The following TSPAN9 variants were observed in gnomAD, a reference collection of about 807,000 sequenced individuals.
TSPAN9 encodes tetraspanin 9, also known as tetraspanin-9.
A neutral mutation model predicts 31.0 loss-of-function variants in TSPAN9; 16 were observed. The ratio of observed to expected loss-of-function variants is 0.52; its 90% confidence interval spans 0.35 to 0.78. The LOEUF is 0.78. TSPAN9 is among the 30% of genes least tolerant of loss of function. The pLI is 0.01. For synonymous variants in TSPAN9, 145 were observed against 121.6 expected (o/e 1.19, Z -1.27); for missense variants, 272 against 312.5 (o/e 0.87, Z 0.98).
intron 2 of TSPAN9, among the ~76,000 whole-genome samples, chr12:3,145,562 G>C (rs1333254113): frequency 6.6e-6 from 1 of 152,306 alleles, no homozygotes; most frequent in East Asian, 1.9e-4. Context: ...TGAGTCCCAG[G>C]TGAAGAGAAA....
At position 3,107,341 on chromosome 12, in the gene TSPAN9, C is replaced by T. The variant is rs550289860; in HGVS notation, c.-18+23622C>T. ...GCGTGAAAACCTGAGGTCTGCCAGG[C>T]GGCACTGCAGGGGGCGGGAGTGGCC... On this transcript the variant is annotated intron_variant, in intron 2 of 8. Coordinates refer to ENST00000011898, the MANE Select transcript of TSPAN9 (RefSeq NM_006675.5). The surrounding 1 kb of genome is among the most constrained non-coding windows in gnomAD (Gnocchi z 4.1). 8.0e-4 allele frequency among the ~76,000 whole-genome samples: 122 copies of T among 152,346 alleles called. 1 individual carries two copies. Among genetic ancestry groups the T allele is most frequent in the Admixed American group, 2.4e-3 (36 of 15,308 alleles).
chr12:3,200,050 C>G (rs1157911333), intron 2 of TSPAN9: 1 of 152,786 alleles, frequency 6.5e-6, no homozygotes, highest in African/African-American at 2.4e-5. Context: ...CCAGCCATCC[C>G]CCTCCTTTCG....
chr12:3,139,545 C>T (rs1315366119), intron 2 of TSPAN9, among the ~76,000 whole-genome samples: 2 of 152,124 alleles, frequency 1.3e-5, no homozygotes, highest in African/African-American at 4.8e-5. Flanking sequence ...CCCTCAACTC[C>T]CTGCATCCCC....
At chr12:3,191,812 T>C (rs10774127) in intron 2 of TSPAN9, among the ~76,000 whole-genome samples, 150,714 of 152,306 alleles carry the variant, frequency 0.99, 74,599 homozygotes, top group Middle Eastern at 1. Context: ...AGTAACATTG[T>C]CACCCTAACA....
At chr12:3,269,936 C>T (rs545087522) in intron 3 of TSPAN9, among the ~76,000 whole-genome samples, 5 of 152,346 alleles carry the variant, frequency 3.3e-5, no homozygotes, top group African/African-American at 9.6e-5. Context: ...GGTAGGGCTG[C>T]GGCGGCAGCG....
chr12:3,219,968 A>T (rs972207402), intron 3 of TSPAN9, among the ~76,000 whole-genome samples: 16 of 152,138 alleles, frequency 1.1e-4, no homozygotes, highest in Non-Finnish European at 1.8e-4. Context: ...TAGCCTGGCC[A>T]ACGTGGTGAA....
rs536831140 is a variant in TSPAN9 at position 3,115,071 on chromosome 12, C to A, written c.-18+31352C>A. Reference sequence around the variant, plus strand: ...CCATTAGCAATCACTCCCATGCCCCCCTTCCCTGCCCCCAGTTTTTCTCCC... The same window carrying A: ...CCATTAGCAATCACTCCCATGCCCCACTTCCCTGCCCCCAGTTTTTCTCCC... On this transcript the variant is annotated intron_variant, in intron 2 of 8. Coordinates refer to ENST00000011898, the MANE Select transcript of TSPAN9 (RefSeq NM_006675.5). 6.7e-4 allele frequency among the ~76,000 whole-genome samples: 101 copies of A among 151,718 alleles called. 1 individual carries two copies. The highest frequency in any genetic ancestry group is 2.4e-3 in the African/African-American group (100 of 41,350).
chr12:3,214,093 C>T (rs1239049661), intron 3 of TSPAN9, among the ~76,000 whole-genome samples: 1 of 152,246 alleles, frequency 6.6e-6, no homozygotes, highest in Non-Finnish European at 1.5e-5. Context: ...GGGCAAACTG[C>T]TTCTGTCTCT....
intron 3 of TSPAN9, among the ~76,000 whole-genome samples, chr12:3,218,235 C>T (rs1282321027): frequency 2.5e-4 from 38 of 152,164 alleles, no homozygotes. Context: ...CCCACCAACC[C>T]CAACTTCCTC....
At chr12:3,260,813 G>T (rs955538892) in intron 3 of TSPAN9, among the ~76,000 whole-genome samples, 5 of 152,218 alleles carry the variant, frequency 3.3e-5, no homozygotes, top group Non-Finnish European at 5.9e-5. Context: ...GGCGTGGCTG[G>T]TGGAGGACTC....
At chr12:3,108,461 C>T (rs1441112536) in intron 2 of TSPAN9, among the ~76,000 whole-genome samples, 1 of 152,190 alleles carries the variant, frequency 6.6e-6, no homozygotes, top group Non-Finnish European at 1.5e-5. Flanking sequence ...CATGGCTTTT[C>T]TCTCTGGAGT....
rs570954553 is a variant in TSPAN9 at position 3,118,079 on chromosome 12, C to T, written c.-18+34360C>T. On this transcript the variant is annotated intron_variant, in intron 2 of 8. Coordinates refer to ENST00000011898, the MANE Select transcript of TSPAN9 (RefSeq NM_006675.5). ...GGAAGCTATTTAAGACTCTTTTTCTCGCCTGTGAAGTGGGGATTATAAAGG... is the reference window on the plus strand; with the variant it reads ...GGAAGCTATTTAAGACTCTTTTTCTTGCCTGTGAAGTGGGGATTATAAAGG... Among the ~76,000 whole-genome samples the T allele has an allele frequency of 1.1e-4, 17 of 151,920 alleles. No individual in the cohort carries two copies. In the East Asian group the frequency reaches 1.9e-3, roughly 17 times the overall value.
intron 3 of TSPAN9, among the ~76,000 whole-genome samples, chr12:3,278,024 C>T (rs649697): frequency 0.35 from 53,524 of 152,122 alleles, 9,461 homozygotes; most frequent in Middle Eastern, 0.49. Flanking sequence ...CCCCAGTTCT[C>T]CCCTCTCACC....
chr12:3,082,802 C>T (rs926725225), intron 1 of TSPAN9, among the ~76,000 whole-genome samples: 2 of 152,102 alleles, frequency 1.3e-5, no homozygotes, highest in Non-Finnish European at 2.9e-5. Context: ...TTGCTGTTTC[C>T]GGTAGGCATT....
intron 4 of TSPAN9, among the ~76,000 whole-genome samples, 173 bp downstream of exon 4, chr12:3,278,785 T>C (rs1488223022): frequency 1.3e-5 from 2 of 152,200 alleles, no homozygotes; most frequent in African/African-American, 4.8e-5. Context: ...TGGTTGGTTA[T>C]GCCTACCCCT....
chr12:3,207,465 T>A (rs1441729319), intron 3 of TSPAN9, among the ~76,000 whole-genome samples: 1 of 151,990 alleles, frequency 6.6e-6, no homozygotes, highest in Admixed American at 6.6e-5. Flanking sequence ...TGGGGTCTGA[T>A]CCTGGCAGGG....
intron 3 of TSPAN9, among the ~76,000 whole-genome samples, chr12:3,260,263 T>C (rs1459185042): frequency 6.6e-6 from 1 of 152,242 alleles, no homozygotes; most frequent in African/African-American, 2.4e-5. Flanking sequence ...AAGAGCAAGA[T>C]GATGGCGTGA....
At chr12:3,156,056 C>A (rs1236542129) in intron 2 of TSPAN9, among the ~76,000 whole-genome samples, 1 of 152,178 alleles carries the variant, frequency 6.6e-6, no homozygotes, top group Admixed American at 6.5e-5. Flanking sequence ...CTTTAAAAAA[C>A]AAAGCTTTTC....
chr12:3,265,392 G>T (rs35374499), intron 3 of TSPAN9, among the ~76,000 whole-genome samples: 4 of 152,182 alleles, frequency 2.6e-5, no homozygotes, highest in Non-Finnish European at 5.9e-5. Context: ...CAGAGACACG[G>T]TACATGAAAG....
Sources: gnomAD v4.1 joint callset for allele counts (sites outside exome capture counted in the v4.1 genomes callset) on GRCh38, gnomAD v4.1.1 for gene constraint, Gnocchi (gnomAD v3.1) non-coding constraint, MANE v1.5 for transcripts, NCBI Gene and HGNC (gene_info 2026-07-23, HGNC 2026-07-21) for gene names.